MAP2: variants seen among roughly 807,000 people sequenced by gnomAD.
The protein encoded by MAP2 is microtubule associated protein 2, also known as microtubule-associated protein 2.
Under a neutral mutation model 137.6 loss-of-function variants are expected in MAP2, and 14 were observed. The observed-to-expected ratio is 0.10, with a 90% CI of 0.07 to 0.16. MAP2 has a LOEUF of 0.16. Ranked by LOEUF, MAP2 falls within the 10% of genes least tolerant of loss-of-function variation. The pLI is 1.00. For missense variants in MAP2, 2,088 were observed against 2,191.5 expected, an observed-to-expected ratio of 0.95 and a Z score of 0.94; for synonymous variants, 786 against 782.3, an observed-to-expected ratio of 1.00 and a Z score of -0.08.
chr2:209,645,912 A>G (rs2094392630), intron 4 of MAP2, among the ~76,000 whole-genome samples: 1 of 152,204 alleles, frequency 6.6e-6, no homozygotes, highest in African/African-American at 2.4e-5. Flanking sequence ...TAAGCTGGGC[A>G]TGGTGGCTTA....
intron 4 of MAP2, among the ~76,000 whole-genome samples, chr2:209,651,000 C>A (rs2094753963): frequency 6.6e-6 from 1 of 152,120 alleles, no homozygotes; most frequent in Non-Finnish European, 1.5e-5. Context: ...GATTAGGATA[C>A]TGATGTAGGC....
chr2:209,575,743 G>C (rs559744493), intron 2 of MAP2, among the ~76,000 whole-genome samples: 29 of 152,226 alleles, frequency 1.9e-4, no homozygotes, highest in African/African-American at 7.0e-4. Flanking sequence ...TCCAGGCACT[G>C]TTTTAGGTGC....
rs2075774077 is a variant in MAP2 at position 209,731,541 on chromosome 2, A to T, written c.*1144A>T. 1 of 152,470 alleles carries T rather than the reference A, an allele frequency of 6.6e-6. No individual in the cohort carries two copies. The highest frequency in any genetic ancestry group is 1.5e-5 in the Non-Finnish European group (1 of 68,006). 9.4% of individuals were successfully genotyped at this position (152,470 alleles called of 1,614,324 possible). A position where few individuals can be genotyped will look rare whatever the true frequency, so the allele number is the denominator to read the frequency against. On this transcript the variant is annotated 3_prime_UTR_variant, in exon 16 of 16. Coordinates refer to ENST00000682079, the MANE Select transcript of MAP2 (RefSeq NM_001375505.1). The stretch of plus-strand genomic sequence containing the variant: ...ACAGATTGTTGGTTTAAGATTATGG[A>T]TTTATCTCATTTTTAATCACAGGAT...
intron 13 of MAP2, among the ~76,000 whole-genome samples, chr2:209,719,523 T>G (rs2069262709): frequency 6.6e-6 from 1 of 152,248 alleles, no homozygotes; most frequent in African/African-American, 2.4e-5. Context: ...AGAGATGTTT[T>G]TTTCTTGTCT....
intron 1 of MAP2, among the ~76,000 whole-genome samples, chr2:209,459,656 A>G (rs1419698551): frequency 6.6e-6 from 1 of 152,174 alleles, no homozygotes; most frequent in Non-Finnish European, 1.5e-5. Context: ...ACTCTCTTAC[A>G]TCTGAGGTGC....
In MAP2 at chr2:209,680,762, C is replaced by T. The variant is rs1583264125; in HGVS notation, c.389C>T (p.Thr130Ile). Residue 130 changes from threonine to isoleucine, a missense_variant, in exon 7 of 16, where the codon ACA becomes ATA. Physicochemically the swap from Thr to Ile is moderately conservative, Grantham distance 89 (BLOSUM62 -1). Coordinates refer to ENST00000682079, the MANE Select transcript of MAP2 (RefSeq NM_001375505.1). ...TAALPLAAEE[T>I]ANLPPSPPPS... ...GTTTGATCTTTAGCAGCTGAAGAAA[C>T]AGCTAATCTGCCTCCTTCTCCACCC... 1 of 1,613,514 alleles carries T rather than the reference C, an allele frequency of 6.2e-7. No individual in the cohort carries two copies. Among genetic ancestry groups the T allele is most frequent in the African/African-American group, 1.3e-5 (1 of 75,006 alleles).
chr2:209,454,149 C>A (rs1700958806), intron 1 of MAP2, among the ~76,000 whole-genome samples: 4 of 61,144 alleles, frequency 6.5e-5, no homozygotes, highest in East Asian at 1.2e-3. Context: ...GACTCTGTCT[C>A]AAAAAAAAAA....
At chr2:209,494,115 G>A (rs1366154979) in intron 1 of MAP2, among the ~76,000 whole-genome samples, 1 of 152,062 alleles carries the variant, frequency 6.6e-6, no homozygotes, top group Admixed American at 6.5e-5. Flanking sequence ...AAAAAAGAAC[G>A]AGTTCATGTC....
At chr2:209,636,009 C>T (rs568587800) in intron 4 of MAP2, among the ~76,000 whole-genome samples, 2 of 152,090 alleles carry the variant, frequency 1.3e-5, no homozygotes, top group African/African-American at 4.8e-5. Context: ...ATCATTCTTC[C>T]TAAGAAGTGT....
At chr2:209,467,124 C>T (rs1485232668) in intron 1 of MAP2, among the ~76,000 whole-genome samples, 8 of 152,204 alleles carry the variant, frequency 5.3e-5, no homozygotes, top group Admixed American at 2.6e-4. Flanking sequence ...CTTTCTCTCA[C>T]CCCCACATTT....
intron 1 of MAP2, among the ~76,000 whole-genome samples, chr2:209,448,781 T>C (rs1371792552): frequency 6.6e-6 from 1 of 152,156 alleles, no homozygotes; most frequent in African/African-American, 2.4e-5. Flanking sequence ...GCCCATCAGA[T>C]CCAGGGTCTC....
rs771025128 is a variant in MAP2, at chr2:209,710,098, G to A, written c.4917G>A (p.Pro1639=). 2.3e-5 allele frequency: 37 copies of A among 1,613,752 alleles called. No homozygotes were observed. In the South Asian group the frequency reaches 3.1e-4, roughly 13 times the overall value. ...PGTPKSAILV[P]SEKKVAIIRT... ...CCCCCAAGTCTGCCATCTTGGTGCC[G>A]AGTGAGAAGAAGGTCGCCATCATAC... is the stretch of plus-strand genomic sequence containing the variant. Residue 1639 remains proline (P), a synonymous_variant, in exon 13 of 16, where the codon CCG becomes CCA. Transcript: ENST00000682079.
At chr2:209,687,142 G>A (rs2057305336) in intron 7 of MAP2, among the ~76,000 whole-genome samples, 1 of 150,698 alleles carries the variant, frequency 6.6e-6, no homozygotes, top group African/African-American at 2.4e-5. Flanking sequence ...TAACAGGATT[G>A]AAATTAAAAA....
At chr2:209,560,430 G>A (rs1393433490) in intron 2 of MAP2, among the ~76,000 whole-genome samples, 2 of 151,678 alleles carry the variant, frequency 1.3e-5, no homozygotes, top group Admixed American at 6.6e-5. Flanking sequence ...CCCAGTGGAT[G>A]CAGTACCTAT....
chr2:209,672,801 G>A (rs1449667177), intron 5 of MAP2, among the ~76,000 whole-genome samples: 3 of 151,860 alleles, frequency 2.0e-5, no homozygotes, highest in East Asian at 1.9e-4. Flanking sequence ...GCTTAATAAC[G>A]TTGTATAACA....
At chr2:209,668,592 T>C (rs894531564) in intron 5 of MAP2, among the ~76,000 whole-genome samples, 9 of 152,100 alleles carry the variant, frequency 5.9e-5, no homozygotes, top group African/African-American at 2.2e-4. Context: ...TTAAAGTCTT[T>C]GCTTTTTACT....
At chr2:209,629,405 CATT>C (rs2092746147) in intron 4 of MAP2, among the ~76,000 whole-genome samples, 1 of 151,942 alleles carries the variant, frequency 6.6e-6, no homozygotes, top group Non-Finnish European at 1.5e-5. Flanking sequence ...GTGTTTATAT[CATT>C]GAGAACATTT....
At chr2:209,466,338 T>G (rs1704116145) in intron 1 of MAP2, among the ~76,000 whole-genome samples, 1 of 152,176 alleles carries the variant, frequency 6.6e-6, no homozygotes, top group Admixed American at 6.5e-5. Context: ...TGAATACTTT[T>G]TCTAGACTGA....
At chr2:209,442,747 C>T (rs1698125114) in intron 1 of MAP2, among the ~76,000 whole-genome samples, 1 of 151,672 alleles carries the variant, frequency 6.6e-6, no homozygotes. Flanking sequence ...TGAAACTCAA[C>T]ATGTTCATAA....
Sources: allele counts gnomAD v4.1 joint callset (sites outside exome capture counted in the v4.1 genomes callset), GRCh38; gene constraint gnomAD v4.1.1; transcripts MANE v1.5; gene names NCBI Gene and HGNC (gene_info 2026-07-23, HGNC 2026-07-21).